BAZ1B: variants seen among roughly 807,000 people sequenced by gnomAD.
BAZ1B encodes the protein bromodomain adjacent to zinc finger domain 1B.
BAZ1B carries 22 observed loss-of-function variants against 153.8 expected under a neutral mutation model. The observed-to-expected ratio is 0.14, with a 90% CI of 0.10 to 0.20. BAZ1B has a LOEUF of 0.20. Ranked by LOEUF, BAZ1B falls within the 10% of genes least tolerant of loss-of-function variation. BAZ1B has a pLI of 1.00. For synonymous variants in BAZ1B, 676 were observed against 633.4 expected (o/e 1.07, Z -1.01); for missense variants, 1,325 against 1,799.3 (o/e 0.74, Z 4.77).
intron 3 of BAZ1B, among the ~76,000 whole-genome samples, chr7:73,507,051 T>C (rs1357382143): frequency 1.3e-5 from 2 of 150,676 alleles, no homozygotes; most frequent in East Asian, 4.1e-4. Context: ...GCTAATTTTT[T>C]ATATTTTTAG....
At position 73,450,822 on chromosome 7, in the gene BAZ1B, A is replaced by G. The variant is rs1415486687; in HGVS notation, c.3580+25T>C. 3 of 1,612,452 alleles carry G rather than the reference A, an allele frequency of 1.9e-6. No individual in the cohort carries two copies. The highest frequency in any genetic ancestry group is 1.3e-5 in the African/African-American group (1 of 74,900). On this transcript the variant is annotated intron_variant, in intron 14 of 19. Transcript: ENST00000339594. The surrounding 1 kb of genome is among the most constrained non-coding windows in gnomAD (Gnocchi z 4.1). ...AAATCCTACTCCCTAATATACCCACATAAGCAAATTTGATTTAAATATACC... is the reference window on the plus strand; with the variant it reads ...AAATCCTACTCCCTAATATACCCACGTAAGCAAATTTGATTTAAATATACC...
At chr7:73,449,821 G>T in intron 14 of BAZ1B, 132 bp from the exon 15 acceptor site, 1 of 965,300 alleles carries the variant, frequency 1.0e-6, no homozygotes, top group South Asian at 2.4e-5. Flanking sequence ...CCCAGTTGTT[G>T]CTTTGTAAAT....
intron 16 of BAZ1B, among the ~76,000 whole-genome samples, chr7:73,444,509 A>G (rs1356622213): frequency 2.6e-5 from 4 of 152,260 alleles, no homozygotes; most frequent in Non-Finnish European, 5.9e-5. Context: ...GCCCAAGCTC[A>G]GCCTGAGCGA....
chr7:73,507,912 T>C (rs139978030), intron 3 of BAZ1B, among the ~76,000 whole-genome samples: 284 of 152,262 alleles, frequency 1.9e-3, no homozygotes, highest in African/African-American at 6.4e-3. Flanking sequence ...TAATAATTGA[T>C]GGGAGGCCAA....
chr7:73,491,200 C>T (rs1259949804), intron 5 of BAZ1B, among the ~76,000 whole-genome samples: 2 of 151,966 alleles, frequency 1.3e-5, no homozygotes, highest in Non-Finnish European at 2.9e-5. Context: ...GCAGGAGAAT[C>T]GCTTGAATCC....
At chr7:73,463,215 T>G in intron 11 of BAZ1B, 116 bp from the exon 12 acceptor site, 1 of 814,444 alleles carries the variant, frequency 1.2e-6, no homozygotes, top group Non-Finnish European at 1.9e-6. Flanking sequence ...CTCTTTCACC[T>G]CTCCCTGGTG....
intron 3 of BAZ1B, among the ~76,000 whole-genome samples, chr7:73,500,002 G>A (rs1790061451): frequency 6.6e-6 from 1 of 152,042 alleles, no homozygotes; most frequent in Admixed American, 6.6e-5. Flanking sequence ...TTAAAGAAAT[G>A]AGATTTTTGT....
At chr7:73,459,954 G>A (rs1471108453) in intron 12 of BAZ1B, among the ~76,000 whole-genome samples, 1 of 152,094 alleles carries the variant, frequency 6.6e-6, no homozygotes, top group Non-Finnish European at 1.5e-5. Context: ...CAGCATTTTG[G>A]GGGGCCAAGG....
chr7:73,521,207 T>C (rs1319978242), intron 1 of BAZ1B, among the ~76,000 whole-genome samples: 1 of 152,050 alleles, frequency 6.6e-6, no homozygotes, highest in Non-Finnish European at 1.5e-5. Context: ...CCACAGGCAG[T>C]TTCCTTCCCT....
rs536058026 is a variant in BAZ1B at position 73,465,182 on chromosome 7, G to A, written c.3071+257C>T. ...ATCTGCAAAGCTGTCTGACAACCATGAGGCTCACAGCTTGGTGCTGGCAAC... is the reference window on the plus strand; with the variant it reads ...ATCTGCAAAGCTGTCTGACAACCATAAGGCTCACAGCTTGGTGCTGGCAAC... On this transcript the variant is annotated intron_variant, in intron 11 of 19. Transcript: ENST00000339594. Among the ~76,000 whole-genome samples, 29 of 152,240 alleles carry A rather than the reference G, an allele frequency of 1.9e-4. No individual in the cohort carries two copies. The South Asian group carries it at 5.8e-3, about 30-fold the overall frequency.
chr7:73,451,154 A>G (rs2116241003), intron 13 of BAZ1B, among the ~76,000 whole-genome samples, 160 bp from the exon 14 acceptor site: 1 of 152,346 alleles, frequency 6.6e-6, no homozygotes, highest in East Asian at 1.9e-4. Flanking sequence ...CAAAGGGGGA[A>G]AAAAACTTGC....
rs11765138 is a variant in BAZ1B at position 73,447,854 on chromosome 7, A to G, written c.3729-475T>C. 5.7e-3 allele frequency among the ~76,000 whole-genome samples: 864 copies of G among 152,314 alleles called. 3 individuals are homozygous for G. The highest frequency in any genetic ancestry group is 8.9e-3 in the Non-Finnish European group (606 of 68,022). Reference sequence around the variant, plus strand: ...CTGAAACAGCTTGCAGATGACCATAATATCAAAGCAGTGGTAATCCCAGCT... The same window carrying G: ...CTGAAACAGCTTGCAGATGACCATAGTATCAAAGCAGTGGTAATCCCAGCT... On this transcript the variant is annotated intron_variant, in intron 15 of 19. Transcript: ENST00000339594.
intron 3 of BAZ1B, among the ~76,000 whole-genome samples, chr7:73,502,756 C>T (rs1047206293): frequency 6.6e-6 from 1 of 152,042 alleles, no homozygotes; most frequent in Admixed American, 6.6e-5. Flanking sequence ...CCAGCCTAGG[C>T]GACAGAGCCA....
chr7:73,518,839 A>G (rs1471553617), intron 1 of BAZ1B, among the ~76,000 whole-genome samples: 10 of 152,240 alleles, frequency 6.6e-5, no homozygotes, highest in African/African-American at 2.4e-4. Flanking sequence ...GTCGTGAACT[A>G]GTTATTTCTA....
chr7:73,477,561 C>T lies in BAZ1B; in HGVS notation c.1900G>A (p.Ala634Thr), dbSNP rs781904736. 1.1e-5 allele frequency: 18 copies of T among 1,614,182 alleles called. No homozygotes were observed. Among genetic ancestry groups the T allele is most frequent in the Middle Eastern group, 3.3e-4 (2 of 6,062 alleles). The change falls in exon 7 of 20, where the codon GCT (alanine) becomes ACT (threonine). Residue 634 changes from alanine (A) to threonine (T), a missense_variant. Around this residue, in one of 9 missense-constraint regions of BAZ1B, gnomAD observed 154 missense variants for 266.3 expected, o/e 0.58. Coordinates refer to ENST00000339594, the MANE Select transcript of BAZ1B (RefSeq NM_032408.4). The surrounding 1 kb of genome is among the most constrained non-coding windows in gnomAD (Gnocchi z 5.6). ...CTCAAGGCTTCCATAAGGGACACAG[C>T]AGTAATAGGATACTGAGCATCTGGT... is the stretch of plus-strand genomic sequence containing the variant. ...LLPDAQYPIT[A>T]VSLMEALSAD...
chr7:73,509,830 T>A (rs1790503667), intron 2 of BAZ1B, among the ~76,000 whole-genome samples: 1 of 151,664 alleles, frequency 6.6e-6, no homozygotes, highest in African/African-American at 2.4e-5. Flanking sequence ...AAAAAAAAAT[T>A]TAATTATCAT....
chr7:73,490,905 T>TA (rs1554575382), intron 5 of BAZ1B, among the ~76,000 whole-genome samples: 1 of 151,546 alleles, frequency 6.6e-6, no homozygotes, highest in Admixed American at 6.6e-5. Flanking sequence ...GTGCCTGGCC[T>TA]AAAACTAGGC....
intron 6 of BAZ1B, among the ~76,000 whole-genome samples, chr7:73,485,302 G>A (rs1358675690): frequency 6.6e-6 from 1 of 151,994 alleles, no homozygotes; most frequent in Non-Finnish European, 1.5e-5. Flanking sequence ...ACTTGGCTCA[G>A]GAAAAAATAA....
chr7:73,448,261 G>A (rs1277391827), intron 15 of BAZ1B, among the ~76,000 whole-genome samples: 3 of 152,094 alleles, frequency 2.0e-5, no homozygotes, highest in Non-Finnish European at 2.9e-5. Flanking sequence ...CCGAGATCGC[G>A]CCATCGTACT....
Sources: gnomAD v4.1 joint callset for allele counts (sites outside exome capture counted in the v4.1 genomes callset) on GRCh38, gnomAD v4.1.1 for gene constraint, gnomAD v4.1.1 regional missense constraint, Gnocchi (gnomAD v3.1) non-coding constraint, MANE v1.5 for transcripts, NCBI Gene and HGNC (gene_info 2026-07-23, HGNC 2026-07-21) for gene names.